Variants in SOX5 observed in about 807,000 individuals in gnomAD.
The protein encoded by SOX5 is transcription factor SOX-5.
A neutral mutation model predicts 92.0 loss-of-function variants in SOX5; 9 were observed. That is an observed-to-expected ratio of 0.10 (90% CI 0.06 to 0.17). The LOEUF (loss-of-function observed/expected upper bound fraction) is 0.17, where lower values mean the gene tolerates loss of function less well. Ranked by LOEUF, SOX5 falls within the 10% of genes least tolerant of loss-of-function variation. SOX5 has a pLI of 1.00. For synonymous variants in SOX5, 344 were observed against 336.3 expected, an observed-to-expected ratio of 1.02 and a Z score of -0.25; for missense variants, 642 against 944.5, an observed-to-expected ratio of 0.68 and a Z score of 4.20.
intron 1 of SOX5, among the ~76,000 whole-genome samples, chr12:24,441,539 A>G (rs1350036659): frequency 6.6e-6 from 1 of 151,352 alleles, no homozygotes; most frequent in East Asian, 1.9e-4. Context: ...TTACAACCAA[A>G]GTGTTGATTT....
At chr12:23,714,217 A>C (rs1344763893) in intron 6 of SOX5, among the ~76,000 whole-genome samples, 5 of 152,172 alleles carry the variant, frequency 3.3e-5, no homozygotes, top group Non-Finnish European at 7.3e-5. Flanking sequence ...TCTTCTAAAT[A>C]GTTATCTAAA....
chr12:23,865,847 G>A (rs1046065573), intron 2 of SOX5, among the ~76,000 whole-genome samples: 1 of 152,248 alleles, frequency 6.6e-6, no homozygotes, highest in Non-Finnish European at 1.5e-5. Flanking sequence ...AGCATTAAGA[G>A]GAGTTTGAAA....
At chr12:24,312,144 C>T (rs1565882560) in intron 2 of SOX5, among the ~76,000 whole-genome samples, 1 of 152,246 alleles carries the variant, frequency 6.6e-6, no homozygotes, top group Non-Finnish European at 1.5e-5. Context: ...CCACTGATGA[C>T]AAATATGTGG....
At chr12:23,775,791 A>G (rs1287583436) in intron 3 of SOX5, among the ~76,000 whole-genome samples, 1 of 152,198 alleles carries the variant, frequency 6.6e-6, no homozygotes, top group Admixed American at 6.5e-5. Flanking sequence ...ACTCTTGTCC[A>G]AAAACCTCAC....
At chr12:23,997,145 G>A (rs1332545178) in intron 4 of SOX5, among the ~76,000 whole-genome samples, 3 of 152,158 alleles carry the variant, frequency 2.0e-5, no homozygotes, top group Non-Finnish European at 4.4e-5. Context: ...ATTTATTCAT[G>A]TAAATCTGTT....
intron 2 of SOX5, among the ~76,000 whole-genome samples, chr12:23,888,206 G>GTTGAATCT (rs1341617027): frequency 6.6e-6 from 1 of 152,054 alleles, no homozygotes; most frequent in Non-Finnish European, 1.5e-5. Flanking sequence ...ATATATTTGA[G>GTTGAATCT]TTGAATCTTT....
At chr12:24,558,061 T>C (rs1284548925) in intron 1 of SOX5, among the ~76,000 whole-genome samples, 1 of 152,216 alleles carries the variant, frequency 6.6e-6, no homozygotes, top group Admixed American at 6.5e-5. Flanking sequence ...TCCTGGCAGC[T>C]TTCCTTGATA....
intron 4 of SOX5, among the ~76,000 whole-genome samples, chr12:24,171,212 TTTTTGTTTGTTTGTTTG>T (rs1198426599): frequency 2.8e-5 from 1 of 35,388 alleles, no homozygotes; most frequent in East Asian, 8.3e-3. Flanking sequence ...CCAACAGTTT[TTTTTGTTTGTTTGTTTG>T]TTTTTTTTTT....
intron 4 of SOX5, among the ~76,000 whole-genome samples, chr12:24,066,011 T>C (rs1353637925): frequency 6.6e-6 from 1 of 152,124 alleles, no homozygotes; most frequent in Admixed American, 6.5e-5. Flanking sequence ...ATTCTTTCAT[T>C]TGGGAAATAT....
chr12:23,701,792 G>A (rs527401133), intron 6 of SOX5, among the ~76,000 whole-genome samples: 6 of 152,082 alleles, frequency 3.9e-5, no homozygotes, highest in Middle Eastern at 3.4e-3. Flanking sequence ...ACATTGTCAC[G>A]GATCAAGGGG....
At position 24,002,244 on chromosome 12, in the gene SOX5, AAG is replaced by A. The variant is rs201151303; in HGVS notation, c.-1-106222_-1-106221del. Among the ~76,000 whole-genome samples the A allele has an allele frequency of 5.9e-3, 895 of 152,020 alleles. 14 individuals carry two copies. The highest frequency in any genetic ancestry group is 0.02 in the African/African-American group (810 of 41,416). On this transcript the variant is annotated intron_variant, in intron 4 of 4. Coordinates refer to the SOX5 transcript ENST00000446891. ...TCAGCAAAATAGAGAATAGTAAAAC[AAG>A]AGAGAAAAAATCAATGAAACGTCAG...
At chr12:24,212,297 T>A in intron 4 of SOX5, 5 of 483,322 alleles carry the variant, frequency 1.0e-5, no homozygotes, top group South Asian at 8.1e-5. Context: ...CTCTGAGGCA[T>A]CCAGATAGAA....
In SOX5 at chr12:24,528,054, C is replaced by T. The variant is rs533257604; in HGVS notation, c.-251+34275G>A. Reference sequence around the variant, plus strand: ...ACACACTTCCATAAATGCAAGTTTACGAATTTTTATTACTTTTGTTTTATT... The same window carrying T: ...ACACACTTCCATAAATGCAAGTTTATGAATTTTTATTACTTTTGTTTTATT... On this transcript the variant is annotated intron_variant, in intron 1 of 4. Coordinates refer to the SOX5 transcript ENST00000446891. Among the ~76,000 whole-genome samples, 15 of 152,238 alleles carry T rather than the reference C, an allele frequency of 9.9e-5. No individual in the cohort carries two copies. The South Asian group carries it at 1.2e-3, about 13-fold the overall frequency.
chr12:24,060,680 G>C (rs1025536434), intron 4 of SOX5, among the ~76,000 whole-genome samples: 3 of 152,120 alleles, frequency 2.0e-5, no homozygotes, highest in Non-Finnish European at 4.4e-5. Flanking sequence ...TCAGCCTCGA[G>C]GATGGGTTCA....
intron 6 of SOX5, among the ~76,000 whole-genome samples, chr12:23,690,705 C>T (rs1216094002): frequency 6.6e-6 from 1 of 152,182 alleles, no homozygotes; most frequent in Non-Finnish European, 1.5e-5. Flanking sequence ...CTTGACCTAA[C>T]TCCCTCTGAC....
At chr12:24,509,804 G>C (rs139419504) in intron 1 of SOX5, among the ~76,000 whole-genome samples, 1 of 152,152 alleles carries the variant, frequency 6.6e-6, no homozygotes, top group African/African-American at 2.4e-5. Context: ...TTACTCCAGC[G>C]AATCGGTTGC....
In SOX5 at chr12:23,869,350, C is replaced by T. The variant is rs752839506; in HGVS notation, c.271-23157G>A. Among the ~76,000 whole-genome samples the T allele has an allele frequency of 9.7e-4, 148 of 152,246 alleles. 1 individual carries two copies. In the Middle Eastern group the frequency reaches 0.01, roughly 10 times the overall value. Reference sequence around the variant, plus strand: ...GAATATCTGTTCCTTATTATAAGCTCTTTTCCCTCACTTTGCTTGGAATAT... The same window carrying T: ...GAATATCTGTTCCTTATTATAAGCTTTTTTCCCTCACTTTGCTTGGAATAT... On this transcript the variant is annotated intron_variant, in intron 2 of 14. Coordinates refer to ENST00000451604, the MANE Select transcript of SOX5 (RefSeq NM_006940.6).
In SOX5 at chr12:24,295,418, A is replaced by G. The variant is rs541197623; in HGVS notation, c.-173-18106T>C. On this transcript the variant is annotated intron_variant, in intron 2 of 4. Coordinates refer to the SOX5 transcript ENST00000446891. ...CTGGCTATTTAAGACACCCCCAAAC[A>G]CTTTAATCCTGACATTTAAAACTGC... Among the ~76,000 whole-genome samples, 9 of 152,316 alleles carry G rather than the reference A, an allele frequency of 5.9e-5. No homozygotes were observed. The East Asian group carries it at 1.7e-3, about 29-fold the overall frequency.
chr12:23,991,190 CAAA>C (rs35062844), intron 4 of SOX5, among the ~76,000 whole-genome samples: 3 of 141,682 alleles, frequency 2.1e-5, no homozygotes, highest in Non-Finnish European at 1.5e-5. Flanking sequence ...CCCGTCTCTG[CAAA>C]AAAAAAAAAA....
Sources: gnomAD v4.1 joint callset for allele counts (sites outside exome capture counted in the v4.1 genomes callset) on GRCh38, gnomAD v4.1.1 for gene constraint, MANE v1.5 for transcripts, NCBI Gene and HGNC (gene_info 2026-07-23, HGNC 2026-07-21) for gene names.